The following SAXO5 variants were observed in gnomAD, a reference collection of about 807,000 sequenced individuals.
SAXO5 encodes stabilizer of axonemal microtubules 5, also known as testis expressed 45.
chr19:7,500,857 C>G, the SAXO5 span: 132 of 1,542,970 alleles, frequency 8.6e-5, no homozygotes, highest in South Asian at 1.1e-4. Flanking sequence ...TGCTCGCGCC[C>G]GTGCCCGATG....
the SAXO5 span, among the ~76,000 whole-genome samples, chr19:7,498,170 T>C: frequency 0.014 from 2,062 of 142,470 alleles, 55 homozygotes; most frequent in African/African-American, 0.048. Flanking sequence ...CACACACACA[T>C]ACACACACAC....
the SAXO5 span, among the ~76,000 whole-genome samples, chr19:7,507,569 G>A: frequency 6.7e-6 from 1 of 149,098 alleles, no homozygotes; most frequent in East Asian, 2.0e-4. Flanking sequence ...AACAGAGCAA[G>A]ACTCTGCCTC....
At chr19:7,501,217 A>G in the SAXO5 span, 3 of 1,546,320 alleles carry the variant, frequency 1.9e-6, no homozygotes, top group Admixed American at 5.7e-5. Flanking sequence ...CACGCCGCCT[A>G]CGGCTGGCCC....
the SAXO5 span, among the ~76,000 whole-genome samples, chr19:7,507,797 G>A: frequency 2.6e-5 from 4 of 151,996 alleles, no homozygotes; most frequent in African/African-American, 9.7e-5. Context: ...CCCAGCCTGG[G>A]GCCCTTTTTG....
At chr19:7,503,726 C>G in the SAXO5 span, among the ~76,000 whole-genome samples, 1 of 152,114 alleles carries the variant, frequency 6.6e-6, no homozygotes. Flanking sequence ...CTCAGGTGAT[C>G]CACCTGCCTT....
the SAXO5 span, chr19:7,508,098 T>G: frequency 1.5e-5 from 13 of 864,028 alleles, no homozygotes; most frequent in South Asian, 2.1e-4. Flanking sequence ...TAGCCTGCCC[T>G]GCCTGGCCCC....
chr19:7,504,522 A>G, the SAXO5 span: 2 of 784,128 alleles, frequency 2.6e-6, no homozygotes, highest in East Asian at 2.6e-5. Flanking sequence ...CCTGGCCAAT[A>G]TGGTGAAACC....
At chr19:7,504,080 A>AGCTCTCTCTCTC in the SAXO5 span, 1 of 1,201,798 alleles carries the variant, frequency 8.3e-7, no homozygotes. Flanking sequence ...GGGAATCTCA[A>AGCTCTCTCTCTC]TCTCTCTCTC....
At chr19:7,504,658 A>G in the SAXO5 span, among the ~76,000 whole-genome samples, 1 of 151,148 alleles carries the variant, frequency 6.6e-6, no homozygotes, top group Admixed American at 6.6e-5. Context: ...GTGAGCCAAG[A>G]TTGCACCACT....
At chr19:7,498,104 A>G in the SAXO5 span, among the ~76,000 whole-genome samples, 1 of 148,454 alleles carries the variant, frequency 6.7e-6, no homozygotes, top group African/African-American at 2.5e-5. Flanking sequence ...TGAGCTGAGA[A>G]AAAAAAAAAA....
chr19:7,506,656 T>TAGCTCCTCCGTCCTCCTCC, the SAXO5 span: 1 of 345,228 alleles, frequency 2.9e-6, no homozygotes, highest in Non-Finnish European at 5.5e-6. Flanking sequence ...GTTCCTCCCC[T>TAGCTCCTCCGTCCTCCTCC]AGCTCCTCCG....
chr19:7,500,849 C>G, the SAXO5 span: 3,733 of 1,532,842 alleles, frequency 2.4e-3, 88 homozygotes, highest in African/African-American at 0.045. Flanking sequence ...TCCTGCCGTG[C>G]TCGCGCCCGT....
the SAXO5 span, among the ~76,000 whole-genome samples, chr19:7,498,739 T>C: frequency 6.6e-6 from 1 of 152,070 alleles, no homozygotes. Flanking sequence ...GTTTTGTGGG[T>C]TGAAGTGATC....
the SAXO5 span, among the ~76,000 whole-genome samples, chr19:7,503,878 T>G: frequency 6.6e-6 from 1 of 152,316 alleles, no homozygotes; most frequent in Non-Finnish European, 1.5e-5. Context: ...AGCCCATCTT[T>G]GCACTTCAGC....
chr19:7,507,145 A>C, the SAXO5 span: 1 of 1,612,866 alleles, frequency 6.2e-7, no homozygotes, highest in Non-Finnish European at 8.5e-7. Flanking sequence ...ACAGCGGGTA[A>C]GGGAGGCGGA....
the SAXO5 span, among the ~76,000 whole-genome samples, chr19:7,503,499 T>G: frequency 3.9e-5 from 6 of 152,138 alleles, no homozygotes; most frequent in East Asian, 5.8e-4. Context: ...GTGTGTGTGT[T>G]TTTGAGACAG....
chr19:7,502,435 T>A, the SAXO5 span, among the ~76,000 whole-genome samples: 2 of 152,074 alleles, frequency 1.3e-5, no homozygotes, highest in Non-Finnish European at 2.9e-5. Context: ...TTTAAAAAGA[T>A]GGGCAGAGGT....
the SAXO5 span, chr19:7,501,290 C>T: frequency 1.3e-6 from 2 of 1,573,584 alleles, no homozygotes; most frequent in Non-Finnish European, 1.7e-6. Context: ...ACCGCGACTC[C>T]CTGCCTCCTG....
chr19:7,506,915 C>T, the SAXO5 span: 1 of 657,818 alleles, frequency 1.5e-6, no homozygotes, highest in African/African-American at 1.8e-5. Flanking sequence ...CCTCCCCCCT[C>T]TCCTAATCCA....
Sources: gnomAD v4.1 joint callset for allele counts (sites outside exome capture counted in the v4.1 genomes callset) on GRCh38, gnomAD v4.1.1 for gene constraint, MANE v1.5 for transcripts, NCBI Gene and HGNC (gene_info 2026-07-23, HGNC 2026-07-21) for gene names.